CALCRL: variants seen among roughly 807,000 people sequenced by gnomAD.
CALCRL encodes calcitonin gene-related peptide type 1 receptor.
CALCRL carries 27 observed loss-of-function variants against 60.4 expected under a neutral mutation model. The observed-to-expected ratio is 0.45, with a 90% CI of 0.33 to 0.62. The LOEUF is 0.62. Among genes scored for constraint, CALCRL ranks in the 20% least tolerant of loss-of-function variants. The pLI is 0.03. For synonymous variants in CALCRL, 190 were observed against 182.6 expected (o/e 1.04, Z -0.33); for missense variants, 424 against 540.7 (o/e 0.78, Z 2.14).
At chr2:187,398,405 G>T (rs1451578158) in intron 1 of CALCRL, among the ~76,000 whole-genome samples, 1 of 151,496 alleles carries the variant, frequency 6.6e-6, no homozygotes, top group African/African-American at 2.4e-5. Context: ...TGATATTCTT[G>T]TTACATTGAG....
chr2:187,345,050 TCAAA>T lies in CALCRL; in HGVS notation c.*1130_*1133del, dbSNP rs1419770026. On this transcript the variant is annotated 3_prime_UTR_variant, in exon 15 of 15. Coordinates refer to ENST00000392370, the MANE Select transcript of CALCRL (RefSeq NM_005795.6). Reference sequence around the variant, plus strand: ...ATAGATGTTTCTGTTCTCTTAGTTCTCAAACAGACTTCTGATGCTGGCATCTGGT... The same window carrying T: ...ATAGATGTTTCTGTTCTCTTAGTTCTCAGACTTCTGATGCTGGCATCTGGT... The T allele has an allele frequency of 6.6e-6, 1 of 152,206 alleles. No homozygotes were observed. The highest frequency in any genetic ancestry group is 6.6e-5 in the Admixed American group (1 of 15,180). The allele number at this position is 152,206 out of a possible 1,614,324, so 9.4% of individuals were successfully genotyped here. A position where few individuals can be genotyped will look rare whatever the true frequency, so the allele number is the denominator to read the frequency against.
intron 1 of CALCRL, among the ~76,000 whole-genome samples, chr2:187,390,599 C>T (rs1433162591): frequency 6.6e-6 from 1 of 152,128 alleles, no homozygotes; most frequent in Non-Finnish European, 1.5e-5. Flanking sequence ...TGAAATATCT[C>T]TTAGTGGTAA....
chr2:187,343,402 C>T lies in CALCRL; in HGVS notation c.*2782G>A, dbSNP rs977296052. 1 of 151,566 alleles carries T rather than the reference C, an allele frequency of 6.6e-6. No individual in the cohort carries two copies. The highest frequency in any genetic ancestry group is 1.5e-5 in the Non-Finnish European group (1 of 67,478). 9.4% of individuals were successfully genotyped at this position (151,566 alleles called of 1,614,324 possible). On this transcript the variant is annotated 3_prime_UTR_variant, in exon 15 of 15. Transcript: ENST00000392370. Reference sequence around the variant, plus strand: ...TCAGAATATCTTGAATATATTTTTACAGATAACTAGTGGTTTCTACTAGCA... The same window carrying T: ...TCAGAATATCTTGAATATATTTTTATAGATAACTAGTGGTTTCTACTAGCA...
chr2:187,355,014 G>A (rs1009772565), intron 12 of CALCRL, among the ~76,000 whole-genome samples: 2 of 151,974 alleles, frequency 1.3e-5, no homozygotes, highest in African/African-American at 2.4e-5. Flanking sequence ...TAGAAGCATG[G>A]TATCATGCAG....
chr2:187,404,194 T>C (rs529351205), intron 1 of CALCRL, among the ~76,000 whole-genome samples: 2 of 152,032 alleles, frequency 1.3e-5, no homozygotes, highest in South Asian at 2.1e-4. Context: ...CAGAGTTTAA[T>C]AGACCTTAAC....
At chr2:187,386,440 A>T (rs999905513) in intron 3 of CALCRL, among the ~76,000 whole-genome samples, 82 of 152,284 alleles carry the variant, frequency 5.4e-4, no homozygotes, top group Middle Eastern at 3.4e-3. Flanking sequence ...TCAATTTTTT[A>T]AAATTAGGAA....
chr2:187,397,158 ATAAG>A (rs1314908374), intron 1 of CALCRL, among the ~76,000 whole-genome samples: 1 of 151,778 alleles, frequency 6.6e-6, no homozygotes, highest in Admixed American at 6.6e-5. Flanking sequence ...TTTTGTAAAT[ATAAG>A]TAAGCTTATT....
At chr2:187,404,057 A>G (rs540348421) in intron 1 of CALCRL, among the ~76,000 whole-genome samples, 6 of 151,988 alleles carry the variant, frequency 3.9e-5, no homozygotes, top group East Asian at 1.9e-4. Context: ...CTGTTTCACA[A>G]ACATGTTCCC....
intron 1 of CALCRL, among the ~76,000 whole-genome samples, chr2:187,441,761 C>G (rs913091880): frequency 2.6e-5 from 4 of 151,742 alleles, no homozygotes; most frequent in African/African-American, 9.7e-5. Context: ...TTTTAGCATA[C>G]AGGAAAATAT....
At chr2:187,437,273 T>C (rs1690685270) in intron 1 of CALCRL, among the ~76,000 whole-genome samples, 2 of 152,182 alleles carry the variant, frequency 1.3e-5, no homozygotes, top group Admixed American at 1.3e-4. Flanking sequence ...CCGGGCACTG[T>C]GGCTCACGCC....
rs922068196 is a variant in CALCRL, at chr2:187,380,699, G to A, written c.273C>T (p.Tyr91=). ...GTESMQLCPD[Y]FQDFDPSEKV... ...TACCTGATGGATCAAAGTCCTGAAA[G>A]TAATCAGGGCAGAGCTGCATTGATT... The change falls in exon 6 of 15, where the codon TAC becomes TAT. Residue 91 remains tyrosine, a synonymous_variant. Coordinates refer to ENST00000392370, the MANE Select transcript of CALCRL (RefSeq NM_005795.6). 1.2e-6 allele frequency: 2 copies of A among 1,613,274 alleles called. No individual in the cohort carries two copies. Among genetic ancestry groups the A allele is most frequent in the Admixed American group, 1.7e-5 (1 of 60,002 alleles).
At chr2:187,350,038 A>C (rs1004227424) in intron 14 of CALCRL, among the ~76,000 whole-genome samples, 3 of 151,672 alleles carry the variant, frequency 2.0e-5, no homozygotes, top group African/African-American at 7.3e-5. Context: ...AGATAGACAC[A>C]GGCTCCTGAA....
At chr2:187,393,295 CT>C (rs557285282) in intron 1 of CALCRL, among the ~76,000 whole-genome samples, 61 of 152,196 alleles carry the variant, frequency 4.0e-4, no homozygotes, top group African/African-American at 1.4e-3. Context: ...AATTCTTGGC[CT>C]GTTATACTTG....
At position 187,431,719 on chromosome 2, in the gene CALCRL, G is replaced by T. The variant is rs73048638; in HGVS notation, c.-293+16320C>A. 8.7e-3 allele frequency among the ~76,000 whole-genome samples: 1,312 copies of T among 151,382 alleles called. 13 individuals are homozygous for T. The highest frequency in any genetic ancestry group is 0.031 in the African/African-American group (1,266 of 41,270). On this transcript the variant is annotated intron_variant, in intron 1 of 14. Coordinates refer to ENST00000392370, the MANE Select transcript of CALCRL (RefSeq NM_005795.6). The stretch of plus-strand genomic sequence containing the variant: ...GAATGGCTCTGGTCTACAGGCTGGG[G>T]ATATGGTAGTCCCTGCTCTCATGGA...
intron 9 of CALCRL, among the ~76,000 whole-genome samples, chr2:187,362,543 A>G (rs1315187640): frequency 3.3e-5 from 5 of 149,732 alleles, no homozygotes; most frequent in African/African-American, 1.2e-4. Context: ...CAGTCACTAG[A>G]TAATTTTTTC....
At chr2:187,404,922 C>T (rs1270936459) in intron 1 of CALCRL, among the ~76,000 whole-genome samples, 3 of 151,948 alleles carry the variant, frequency 2.0e-5, no homozygotes, top group South Asian at 2.1e-4. Flanking sequence ...CAGTAGGAAG[C>T]GAGACACAGG....
chr2:187,370,884 T>C (rs858759), intron 8 of CALCRL, among the ~76,000 whole-genome samples: 48,487 of 152,078 alleles, frequency 0.32, 7,962 homozygotes, highest in Middle Eastern at 0.41. Context: ...CAACATTCAG[T>C]TGGAGAGGGA....
chr2:187,392,687 C>A (rs1451597631), intron 1 of CALCRL, among the ~76,000 whole-genome samples: 1 of 151,986 alleles, frequency 6.6e-6, no homozygotes, highest in East Asian at 1.9e-4. Flanking sequence ...ATCTTTACTT[C>A]CAATAGAGTC....
intron 1 of CALCRL, among the ~76,000 whole-genome samples, chr2:187,445,913 T>G (rs965105961): frequency 6.6e-6 from 1 of 151,578 alleles, no homozygotes; most frequent in Non-Finnish European, 1.5e-5. Context: ...AGTATTATTT[T>G]AAACAATGTT....
Sources: gnomAD v4.1 joint callset for allele counts (sites outside exome capture counted in the v4.1 genomes callset) on GRCh38, gnomAD v4.1.1 for gene constraint, MANE v1.5 for transcripts, NCBI Gene and HGNC (gene_info 2026-07-23, HGNC 2026-07-21) for gene names.